Variants in OSBP2 observed in about 807,000 individuals in gnomAD.
OSBP2 encodes the protein oxysterol-binding protein 2.
Under a neutral mutation model 96.0 loss-of-function variants are expected in OSBP2, and 66 were observed. The observed-to-expected ratio is 0.69, with a 90% CI of 0.56 to 0.84. The LOEUF (loss-of-function observed/expected upper bound fraction) is 0.84. Among genes scored for constraint, OSBP2 ranks in the 40% least tolerant of loss-of-function variants. OSBP2 has a pLI of 0.00. For synonymous variants in OSBP2, 525 were observed against 520.9 expected (o/e 1.01, Z -0.11); for missense variants, 1,038 against 1,222.7 (o/e 0.85, Z 2.25).
intron 2 of OSBP2, among the ~76,000 whole-genome samples, chr22:30,802,642 T>C (rs111501058): frequency 4.8e-4 from 73 of 152,318 alleles, no homozygotes; most frequent in African/African-American, 1.7e-3. Context: ...AGCTCGCCTT[T>C]ATCTAGCCCT....
At chr22:30,727,177 C>G (rs909701351) in intron 1 of OSBP2, among the ~76,000 whole-genome samples, 1 of 152,164 alleles carries the variant, frequency 6.6e-6, no homozygotes, top group Non-Finnish European at 1.5e-5. Flanking sequence ...AAGGTAAGTC[C>G]TCAGGATGTG....
intron 2 of OSBP2, among the ~76,000 whole-genome samples, chr22:30,809,875 GACACA>G (rs2090983072): frequency 6.6e-6 from 1 of 152,146 alleles, no homozygotes; most frequent in South Asian, 2.1e-4. Context: ...TGCATATAGG[GACACA>G]AGGAGAAGGA....
In OSBP2 at chr22:30,865,971, G is replaced by A. The variant is rs143477849; in HGVS notation, c.854-4458G>A. 7.5e-4 allele frequency among the ~76,000 whole-genome samples: 114 copies of A among 152,264 alleles called. 1 individual carries two copies. In the Middle Eastern group the frequency reaches 0.024, roughly 32 times the overall value. ...AGGACAGAGGGACTTGTGAGGCCTC[G>A]GGAGTCTCAGTGACCCACTCGAGAG... On this transcript the variant is annotated intron_variant, in intron 2 of 13. Transcript: ENST00000332585.
intron 2 of OSBP2, among the ~76,000 whole-genome samples, chr22:30,795,747 G>A (rs1350695770): frequency 1.3e-5 from 2 of 152,010 alleles, no homozygotes; most frequent in Non-Finnish European, 2.9e-5. Flanking sequence ...TCAAACTCCC[G>A]ACCTCAGGTG....
chr22:30,883,210 A>G (rs2039738305), intron 3 of OSBP2, among the ~76,000 whole-genome samples: 1 of 152,242 alleles, frequency 6.6e-6, no homozygotes, highest in Non-Finnish European at 1.5e-5. Context: ...CTCACCATGC[A>G]CAGCACAGCC....
At position 30,906,555 on chromosome 22, in the gene OSBP2, G is replaced by A; in HGVS notation, c.*216G>A. ...TCTCTCCAGCCCCCAGGTGCGCCGGGTCACCCGTGCCCCTTCATTATGGAC... is the reference window on the plus strand; with the variant it reads ...TCTCTCCAGCCCCCAGGTGCGCCGGATCACCCGTGCCCCTTCATTATGGAC... On this transcript the variant is annotated 3_prime_UTR_variant, in exon 14 of 14. Coordinates refer to ENST00000332585, the MANE Select transcript of OSBP2 (RefSeq NM_030758.4). The A allele has an allele frequency of 2.0e-6, 1 of 505,934 alleles. No individual in the cohort carries two copies. The highest frequency in any genetic ancestry group is 2.0e-5 in the African/African-American group (1 of 50,036). The allele number at this position is 505,934 out of a possible 1,614,324, so 31.3% of individuals were successfully genotyped here. A position where few individuals can be genotyped will look rare whatever the true frequency, so the allele number is the denominator to read the frequency against.
chr22:30,701,973 G>C lies in OSBP2; in HGVS notation c.644+6420G>C, dbSNP rs574075205. Among the ~76,000 whole-genome samples the C allele has an allele frequency of 3.9e-5, 6 of 152,294 alleles. No individual in the cohort carries two copies. The South Asian group carries it at 1.2e-3, about 32-fold the overall frequency. Reference sequence around the variant, plus strand: ...TAGCAGCATATTTTGGAGGAGCACAGTGCACACCAACATTCTTAGCAAGTT... The same window carrying C: ...TAGCAGCATATTTTGGAGGAGCACACTGCACACCAACATTCTTAGCAAGTT... On this transcript the variant is annotated intron_variant, in intron 1 of 13. Transcript: ENST00000332585.
intron 2 of OSBP2, among the ~76,000 whole-genome samples, chr22:30,847,553 T>A (rs997618096): frequency 6.6e-6 from 1 of 152,224 alleles, no homozygotes; most frequent in Non-Finnish European, 1.5e-5. Flanking sequence ...GTGCTGAGAT[T>A]ACAGGTGTGA....
At chr22:30,853,643 T>C (rs926392199) in intron 2 of OSBP2, among the ~76,000 whole-genome samples, 6 of 152,190 alleles carry the variant, frequency 3.9e-5, no homozygotes, top group Non-Finnish European at 8.8e-5. Context: ...TAATATAACG[T>C]AATTATTAAA....
At chr22:30,830,893 A>G (rs1053283879) in intron 2 of OSBP2, among the ~76,000 whole-genome samples, 2 of 151,846 alleles carry the variant, frequency 1.3e-5, no homozygotes, top group Admixed American at 6.6e-5. Flanking sequence ...TCCAAAAAAA[A>G]AAAATGTCAT....
At chr22:30,839,335 A>G (rs1025688749) in intron 2 of OSBP2, among the ~76,000 whole-genome samples, 1 of 135,096 alleles carries the variant, frequency 7.4e-6, no homozygotes, top group African/African-American at 3.1e-5. Flanking sequence ...TTATAGCAGC[A>G]TGATTTATAG....
In OSBP2 at chr22:30,709,630, C is replaced by T. The variant is rs117913305; in HGVS notation, c.644+14077C>T. On this transcript the variant is annotated intron_variant, in intron 1 of 13. Coordinates refer to ENST00000332585, the MANE Select transcript of OSBP2 (RefSeq NM_030758.4). ...TCCCAGATTCAACCAGTTCTCCTGCCTCAGCCTCCTGAAGTGCTGAGATTA... is the reference window on the plus strand; with the variant it reads ...TCCCAGATTCAACCAGTTCTCCTGCTTCAGCCTCCTGAAGTGCTGAGATTA... Among the ~76,000 whole-genome samples the T allele has an allele frequency of 1.3e-3, 204 of 151,922 alleles. 3 individuals are homozygous for T. Among genetic ancestry groups the T allele is most frequent in the East Asian group, 9.7e-3 (50 of 5,148 alleles).
At chr22:30,694,084 C>A, upstream of OSBP2, 1 of 1,544,920 alleles carries the variant, frequency 6.5e-7, no homozygotes, top group Non-Finnish European at 8.7e-7. Flanking sequence ...TAAACCTCTG[C>A]GGAAGCCTCA....
intron 2 of OSBP2, among the ~76,000 whole-genome samples, chr22:30,758,477 A>G (rs2090167945): frequency 6.6e-6 from 1 of 152,192 alleles, no homozygotes; most frequent in Non-Finnish European, 1.5e-5. Context: ...AGTAGCCACA[A>G]GCAGACTAGA....
chr22:30,771,828 G>T (rs2090350086), intron 2 of OSBP2, among the ~76,000 whole-genome samples: 1 of 152,216 alleles, frequency 6.6e-6, no homozygotes, highest in Non-Finnish European at 1.5e-5. Flanking sequence ...GGCTCAGGCT[G>T]TGGCAAGAGG....
At chr22:30,834,708 A>G (rs1011697422) in intron 2 of OSBP2, among the ~76,000 whole-genome samples, 2 of 151,976 alleles carry the variant, frequency 1.3e-5, no homozygotes, top group Non-Finnish European at 2.9e-5. Context: ...TTGTCTTTTT[A>G]TTCTCGTATG....
chr22:30,799,807 C>G (rs553077791), intron 2 of OSBP2, among the ~76,000 whole-genome samples: 4 of 152,292 alleles, frequency 2.6e-5, no homozygotes, highest in Admixed American at 6.5e-5. Context: ...GAATAGGCCA[C>G]CTGTTTTGTG....
At chr22:30,826,757 G>A (rs1486413397) in intron 2 of OSBP2, among the ~76,000 whole-genome samples, 1 of 152,222 alleles carries the variant, frequency 6.6e-6, no homozygotes, top group African/African-American at 2.4e-5. Context: ...GAGGCTGAGG[G>A]GCAAGGAGCA....
chr22:30,856,784 A>T (rs5994351), intron 2 of OSBP2, among the ~76,000 whole-genome samples: 104,126 of 151,794 alleles, frequency 0.69, 36,612 homozygotes, highest in African/African-American at 0.83. Context: ...TTTTAGAAAA[A>T]AAAAAAAAAT....
Sources: allele counts gnomAD v4.1 joint callset (sites outside exome capture counted in the v4.1 genomes callset), GRCh38; gene constraint gnomAD v4.1.1; transcripts MANE v1.5; gene names NCBI Gene and HGNC (gene_info 2026-07-23, HGNC 2026-07-21).